The following PCDH15 variants were observed in gnomAD, a reference collection of about 807,000 sequenced individuals.
PCDH15 encodes the protein protocadherin related 15.
PCDH15 carries 129 observed loss-of-function variants against 178.5 expected under a neutral mutation model. The ratio of observed to expected loss-of-function variants is 0.72; its 90% CI spans 0.63 to 0.84. PCDH15 has a LOEUF of 0.84. Among genes scored for constraint, PCDH15 ranks in the 40% least tolerant of loss-of-function variants. PCDH15 has a pLI of 0.00. For synonymous variants in PCDH15, 800 were observed against 732.0 expected, an observed-to-expected ratio of 1.09 and a Z score of -1.50; for missense variants, 2,230 against 2,099.9, an observed-to-expected ratio of 1.06 and a Z score of -1.21.
intron 28 of PCDH15, 90 bp from the exon 29 acceptor site, chr10:53,840,586 T>C: frequency 8.5e-7 from 1 of 1,172,184 alleles, no homozygotes; most frequent in Admixed American, 2.0e-5. Context: ...ATTTAGTAAA[T>C]GAAAAATGAT....
At chr10:53,915,197 T>C (rs907092983) in intron 25 of PCDH15, among the ~76,000 whole-genome samples, 3 of 152,224 alleles carry the variant, frequency 2.0e-5, no homozygotes, top group African/African-American at 2.4e-5. Context: ...AAATATGTTA[T>C]AGTGTGCCCA....
intron 2 of PCDH15, among the ~76,000 whole-genome samples, chr10:55,111,437 G>C (rs141418205): frequency 2.6e-5 from 4 of 152,044 alleles, no homozygotes; most frequent in African/African-American, 9.7e-5. Flanking sequence ...AGAAATTCAG[G>C]CTAATAATTA....
At chr10:53,995,522 A>T in intron 21 of PCDH15, 127 bp downstream of exon 21, 1 of 1,545,404 alleles carries the variant, frequency 6.5e-7, no homozygotes, top group Non-Finnish European at 8.8e-7. Flanking sequence ...AAAAGAACAT[A>T]AAATGTATGA....
chr10:54,730,641 A>G (rs549934932), intron 1 of PCDH15, among the ~76,000 whole-genome samples: 1 of 151,700 alleles, frequency 6.6e-6, no homozygotes, highest in East Asian at 1.9e-4. Flanking sequence ...AAAAGGCACC[A>G]AGAACAGGAA....
chr10:54,382,504 TC>T (rs1342499113), intron 3 of PCDH15, among the ~76,000 whole-genome samples: 1 of 152,092 alleles, frequency 6.6e-6, no homozygotes, highest in African/African-American at 2.4e-5. Flanking sequence ...TTAAGTATGG[TC>T]CAAAAAACCT....
chr10:54,286,096 A>G (rs905246148), intron 8 of PCDH15, among the ~76,000 whole-genome samples: 6 of 152,162 alleles, frequency 3.9e-5, no homozygotes, highest in African/African-American at 1.4e-4. Context: ...TCAAAGTTAC[A>G]TTTGCACAGG....
chr10:54,884,303 C>T (rs546251731), intron 3 of PCDH15, among the ~76,000 whole-genome samples: 1 of 135,480 alleles, frequency 7.4e-6, no homozygotes, highest in East Asian at 2.2e-4. Flanking sequence ...GCTATCAATG[C>T]TAATTGCAAA....
At chr10:55,324,237 T>A (rs568826503), upstream of PCDH15, among the ~76,000 whole-genome samples, 2 of 152,218 alleles carry the variant, frequency 1.3e-5, no homozygotes, top group South Asian at 2.1e-4. Flanking sequence ...GAGAACAGAC[T>A]AATACACTAA....
chr10:54,584,455 T>G (rs1471827095), intron 2 of PCDH15, among the ~76,000 whole-genome samples: 1 of 151,868 alleles, frequency 6.6e-6, no homozygotes, highest in Non-Finnish European at 1.5e-5. Context: ...CTCTCAATAG[T>G]TTTTTTTCTC....
chr10:54,377,497 A>T (rs1337379444), intron 4 of PCDH15, among the ~76,000 whole-genome samples: 1 of 152,172 alleles, frequency 6.6e-6, no homozygotes, highest in Admixed American at 6.6e-5. Flanking sequence ...AAGAATTCAA[A>T]GAATTCATAA....
chr10:53,876,787 A>G (rs1337456574), intron 26 of PCDH15, among the ~76,000 whole-genome samples: 1 of 152,172 alleles, frequency 6.6e-6, no homozygotes, highest in Non-Finnish European at 1.5e-5. Context: ...GAGTTAAGTA[A>G]AAGTCTAATA....
At chr10:54,199,107 T>C (rs1003818633) in intron 10 of PCDH15, among the ~76,000 whole-genome samples, 3 of 152,206 alleles carry the variant, frequency 2.0e-5, no homozygotes, top group African/African-American at 7.2e-5. Flanking sequence ...CTTCCTCATA[T>C]CTATAAAAAT....
At chr10:54,595,315 G>T (rs1418811121) in intron 2 of PCDH15, among the ~76,000 whole-genome samples, 4 of 152,166 alleles carry the variant, frequency 2.6e-5, no homozygotes. Context: ...CAGAGTTAGA[G>T]CACACAATGC....
chr10:54,025,363 C>A (rs1311333379), intron 18 of PCDH15, among the ~76,000 whole-genome samples: 1 of 152,154 alleles, frequency 6.6e-6, no homozygotes, highest in Non-Finnish European at 1.5e-5. Flanking sequence ...CTTCTTTGCT[C>A]ATTCAAGTTG....
intron 8 of PCDH15, among the ~76,000 whole-genome samples, chr10:54,315,417 TGC>T (rs1564942845): frequency 6.6e-6 from 1 of 152,196 alleles, no homozygotes; most frequent in Non-Finnish European, 1.5e-5. Flanking sequence ...TCCTCATAGA[TGC>T]TGGATATTAG....
intron 2 of PCDH15, among the ~76,000 whole-genome samples, chr10:55,131,300 G>C (rs1417595711): frequency 6.6e-6 from 1 of 152,166 alleles, no homozygotes; most frequent in Admixed American, 6.5e-5. Flanking sequence ...AGCTTCCACT[G>C]TGGGCACTGG....
chr10:54,111,865 G>T (rs1359889000), intron 15 of PCDH15, among the ~76,000 whole-genome samples: 1 of 151,356 alleles, frequency 6.6e-6, no homozygotes, highest in Non-Finnish European at 1.5e-5. Flanking sequence ...GGTGGCTCAC[G>T]CCTGTAGTCC....
chr10:54,112,721 T>C (rs543469393), intron 15 of PCDH15, among the ~76,000 whole-genome samples: 1 of 152,194 alleles, frequency 6.6e-6, no homozygotes, highest in East Asian at 1.9e-4. Flanking sequence ...CCAATAGAGG[T>C]CACACATTTT....
At chr10:53,878,024 T>C (rs2080368782) in intron 26 of PCDH15, among the ~76,000 whole-genome samples, 1 of 152,012 alleles carries the variant, frequency 6.6e-6, no homozygotes, top group Non-Finnish European at 1.5e-5. Flanking sequence ...CTTTTTGCTT[T>C]ACATTTATTC....
Sources: gnomAD v4.1 joint callset for allele counts (sites outside exome capture counted in the v4.1 genomes callset) on GRCh38, gnomAD v4.1.1 for gene constraint, MANE v1.5 for transcripts, NCBI Gene and HGNC (gene_info 2026-07-23, HGNC 2026-07-21) for gene names.